Variants in SYTL2 observed in about 807,000 individuals in gnomAD.
SYTL2 encodes synaptotagmin like 2.
In SYTL2, 165 loss-of-function variants were observed where a neutral mutation model predicts 198.7. The observed-to-expected ratio is 0.83, with a 90% CI of 0.73 to 0.94. The LOEUF (loss-of-function observed/expected upper bound fraction) is 0.94, where lower values mean the gene tolerates loss of function less well. Ranked by LOEUF, SYTL2 falls within the 40% of genes least tolerant of loss-of-function variation. The pLI is 0.00. For missense variants in SYTL2, 2,835 were observed against 2,582.8 expected (o/e 1.10, Z -2.12); for synonymous variants, 966 against 917.7 (o/e 1.05, Z -0.95).
the SYTL2 span, among the ~76,000 whole-genome samples, chr11:85,846,879 C>G: frequency 1.4e-5 from 2 of 146,366 alleles, no homozygotes; most frequent in East Asian, 4.1e-4. Context: ...GATTTACAGG[C>G]ATGCACCACC....
At chr11:85,810,796 C>T (rs1295191010) in intron 1 of SYTL2, among the ~76,000 whole-genome samples, 158 bp downstream of exon 1, 1 of 152,208 alleles carries the variant, frequency 6.6e-6, no homozygotes, top group Non-Finnish European at 1.5e-5. Context: ...CGTGCCAAAA[C>T]GCAGTTCCCA....
At chr11:85,718,088 T>C (rs1450228409) in intron 10 of SYTL2, 1 of 168,386 alleles carries the variant, frequency 5.9e-6, no homozygotes, top group African/African-American at 2.4e-5. Context: ...TGAAGGCAAA[T>C]TTAACAACAA....
intron 1 of SYTL2, among the ~76,000 whole-genome samples, chr11:85,789,340 GTA>G (rs56956411): frequency 0.02 from 1,249 of 62,310 alleles, 14 homozygotes; most frequent in East Asian, 0.12. Flanking sequence ...GTGTGTGTGT[GTA>G]TATATATATA....
chr11:85,840,857 T>C, the SYTL2 span, among the ~76,000 whole-genome samples: 1 of 151,658 alleles, frequency 6.6e-6, no homozygotes, highest in Non-Finnish European at 1.5e-5. Flanking sequence ...AAAACAAAAA[T>C]TGAGCTTCTG....
chr11:85,810,668 C>T (rs2093020212), intron 1 of SYTL2, among the ~76,000 whole-genome samples: 1 of 152,174 alleles, frequency 6.6e-6, no homozygotes, highest in Non-Finnish European at 1.5e-5. Flanking sequence ...CCTGAAAGCC[C>T]TAGAAAACGC....
Position 85,727,891 on chromosome 11 carries a change from C to A in SYTL2, c.1467G>T (p.Lys489Asn), listed in dbSNP as rs1225880020. The change falls in exon 8 of 20, where the codon AAG becomes AAT. Residue 489 changes from lysine (K) to asparagine (N), a missense_variant. By Grantham distance (94) the Lys-to-Asn change is moderately conservative. Around this residue, in one of 3 missense-constraint regions of SYTL2, gnomAD observed 2,645 missense variants for 2,381.7 expected, o/e 1.11. Coordinates refer to ENST00000359152, the MANE Select transcript of SYTL2 (RefSeq NM_206927.4). Reference protein sequence around the residue: ...GGSSRDRQQGKPPPLPALKAK... With the variant: ...GGSSRDRQQGNPPPLPALKAK... ...CTTTTAGAGCCGGGAGAGGAGGGGGCTTACCTTGCTGACGGTCTCTAGAAC... is the reference window on the plus strand; with the variant it reads ...CTTTTAGAGCCGGGAGAGGAGGGGGATTACCTTGCTGACGGTCTCTAGAAC... The A allele has an allele frequency of 1.9e-6, 3 of 1,613,690 alleles. No homozygotes were observed. Among genetic ancestry groups the A allele is most frequent in the Non-Finnish European group, 2.5e-6 (3 of 1,179,902 alleles).
chr11:85,840,446 C>T, the SYTL2 span, among the ~76,000 whole-genome samples: 3 of 151,982 alleles, frequency 2.0e-5, no homozygotes, highest in African/African-American at 7.3e-5. Flanking sequence ...TGGGTATTGT[C>T]AAAAAATATC....
At chr11:85,703,180 C>T (rs2084611545) in intron 16 of SYTL2, among the ~76,000 whole-genome samples, 1 of 151,818 alleles carries the variant, frequency 6.6e-6, no homozygotes, top group Non-Finnish European at 1.5e-5. Flanking sequence ...TTGGAGTTTC[C>T]AGAAGGAGAG....
chr11:85,787,686 TTTTTTTTTC>T, intron 1 of SYTL2, among the ~76,000 whole-genome samples: 1 of 121,714 alleles, frequency 8.2e-6, no homozygotes, highest in Non-Finnish European at 1.8e-5. Flanking sequence ...CTTTTTTCTG[TTTTTTTTTC>T]TTTTCCTTTT....
At chr11:85,720,821 G>A (rs761047559) in intron 9 of SYTL2, 37 bp downstream of exon 9, 64 of 1,449,990 alleles carry the variant, frequency 4.4e-5, no homozygotes, top group Non-Finnish European at 5.9e-5. Flanking sequence ...TTTAAGCTTA[G>A]ATGGGGCATG....
chr11:85,747,581 A>T (rs535369955), intron 3 of SYTL2, among the ~76,000 whole-genome samples: 1 of 152,268 alleles, frequency 6.6e-6, no homozygotes, highest in African/African-American at 2.4e-5. Context: ...TTACTATTGT[A>T]GGCCACAGGC....
At chr11:85,759,742 T>C (rs2092038821) in intron 1 of SYTL2, among the ~76,000 whole-genome samples, 1 of 148,320 alleles carries the variant, frequency 6.7e-6, no homozygotes, top group Non-Finnish European at 1.5e-5. Flanking sequence ...CCACAGTAAT[T>C]ACTCAAATAA....
the SYTL2 span, among the ~76,000 whole-genome samples, chr11:85,845,747 T>TACAC: frequency 6.6e-6 from 1 of 151,436 alleles, no homozygotes; most frequent in Non-Finnish European, 1.5e-5. Context: ...TCTCTACTAA[T>TACAC]ACACACACAC....
rs1430901311 is a variant in SYTL2 at position 85,726,730 on chromosome 11, T to C, written c.2628A>G (p.Lys876=). Residue 876 remains lysine (K), a synonymous_variant, in exon 8 of 20, where the codon AAA becomes AAG. Coordinates refer to ENST00000359152, the MANE Select transcript of SYTL2 (RefSeq NM_206927.4). ...SQLSNSYSSN[K]SKETKPQIAG... ...CTATTTGTGGCTTGGTCTCTTTAGA[T>C]TTATTTGAGGAATAAGAATTGGAGA... is the stretch of plus-strand genomic sequence containing the variant. The C allele has an allele frequency of 2.0e-6, 3 of 1,536,054 alleles. No individual in the cohort carries two copies. The highest frequency in any genetic ancestry group is 2.6e-6 in the Non-Finnish European group (3 of 1,146,918).
intron 1 of SYTL2, among the ~76,000 whole-genome samples, chr11:85,775,214 T>C (rs2092431395): frequency 6.6e-6 from 1 of 152,016 alleles, no homozygotes; most frequent in Admixed American, 6.5e-5. Flanking sequence ...CTAACAAAAG[T>C]CTTTCTTTTC....
chr11:85,807,971 T>C (rs1354325866), intron 1 of SYTL2, among the ~76,000 whole-genome samples: 1 of 152,238 alleles, frequency 6.6e-6, no homozygotes, highest in Non-Finnish European at 1.5e-5. Context: ...TGTGTGTTTT[T>C]AAAATTTGTT....
chr11:85,783,206 G>C (rs2092588754), intron 1 of SYTL2, among the ~76,000 whole-genome samples: 1 of 152,188 alleles, frequency 6.6e-6, no homozygotes, highest in South Asian at 2.1e-4. Context: ...CATGACAGAA[G>C]GGGAAGCAAA....
chr11:85,807,531 A>C (rs1405350331), intron 1 of SYTL2, among the ~76,000 whole-genome samples: 1 of 152,248 alleles, frequency 6.6e-6, no homozygotes, highest in Non-Finnish European at 1.5e-5. Flanking sequence ...TAAAAGTGGA[A>C]ACCAGCTCAG....
intron 1 of SYTL2, among the ~76,000 whole-genome samples, chr11:85,776,917 G>C (rs138561717): frequency 9.7e-4 from 147 of 152,270 alleles, no homozygotes; most frequent in South Asian, 1.9e-3. Context: ...TTAAGTGTCA[G>C]CTCTGTGGTT....
Sources: allele counts gnomAD v4.1 joint callset (sites outside exome capture counted in the v4.1 genomes callset), GRCh38; gene constraint gnomAD v4.1.1; regional missense constraint gnomAD v4.1.1; transcripts MANE v1.5; gene names NCBI Gene and HGNC (gene_info 2026-07-23, HGNC 2026-07-21).